FBP2: variants seen among roughly 807,000 people sequenced by gnomAD.
FBP2 encodes the protein fructose-bisphosphatase 2.
In FBP2, 27 loss-of-function variants were observed where a neutral mutation model predicts 31.6. The ratio of observed to expected loss-of-function variants is 0.85; its 90% CI spans 0.63 to 1.18. FBP2 has a LOEUF of 1.18. Ranked by LOEUF, FBP2 falls within the 50% of genes most tolerant of loss-of-function variation. FBP2 has a pLI of 0.00. For synonymous variants in FBP2, 168 were observed against 179.8 expected, an observed-to-expected ratio of 0.93 and a Z score of 0.53; for missense variants, 421 against 436.1, an observed-to-expected ratio of 0.97 and a Z score of 0.31.
intron 1 of FBP2, among the ~76,000 whole-genome samples, chr9:94,591,166 C>T (rs1037085752): frequency 5.3e-5 from 8 of 152,238 alleles, no homozygotes; most frequent in South Asian, 2.1e-4. Flanking sequence ...CTTGGGTGGT[C>T]GATGGGACTG....
intron 1 of FBP2, among the ~76,000 whole-genome samples, chr9:94,590,341 A>G (rs578055342): frequency 6.6e-6 from 1 of 152,268 alleles, no homozygotes; most frequent in East Asian, 1.9e-4. Flanking sequence ...TTCCCACCAT[A>G]AGAAGAGGAA....
At chr9:94,582,449 A>G (rs1252072159) in intron 3 of FBP2, among the ~76,000 whole-genome samples, 1 of 151,306 alleles carries the variant, frequency 6.6e-6, no homozygotes, top group African/African-American at 2.4e-5. Context: ...GCAGCAGTGC[A>G]ATCTCAACTC....
chr9:94,566,217 A>C (rs1261921201), intron 5 of FBP2, among the ~76,000 whole-genome samples: 1 of 152,226 alleles, frequency 6.6e-6, no homozygotes, highest in Non-Finnish European at 1.5e-5. Flanking sequence ...AAACCTGGCC[A>C]TAAACTGGCC....
chr9:94,567,432 G>A (rs773632380), intron 4 of FBP2, 25 bp from the exon 5 acceptor site: 10 of 1,602,374 alleles, frequency 6.2e-6, no homozygotes, highest in Non-Finnish European at 7.6e-6. Flanking sequence ...AGAGATGCCA[G>A]GAAGAAGAGA....
chr9:94,574,150 A>G (rs1827294996), intron 3 of FBP2, among the ~76,000 whole-genome samples: 1 of 152,226 alleles, frequency 6.6e-6, no homozygotes, highest in South Asian at 2.1e-4. Flanking sequence ...TTAACAATCT[A>G]CTGCATAAAT....
intron 6 of FBP2, among the ~76,000 whole-genome samples, chr9:94,559,761 G>A (rs1827066578): frequency 6.6e-6 from 1 of 152,084 alleles, no homozygotes; most frequent in South Asian, 2.1e-4. Flanking sequence ...TCACACTGAG[G>A]CCTCTTTAAT....
intron 3 of FBP2, among the ~76,000 whole-genome samples, chr9:94,582,986 AG>A (rs1383410596): frequency 6.7e-6 from 1 of 150,338 alleles, no homozygotes; most frequent in African/African-American, 2.5e-5. Flanking sequence ...CCTGAGTAGC[AG>A]GGATTATAGG....
intron 1 of FBP2, among the ~76,000 whole-genome samples, chr9:94,590,424 A>C (rs1827481497): frequency 1.4e-5 from 2 of 144,078 alleles, no homozygotes; most frequent in South Asian, 4.5e-4. Flanking sequence ...AGATCTCCCC[A>C]AAAGGAGCCA....
intron 3 of FBP2, among the ~76,000 whole-genome samples, chr9:94,574,510 G>A: frequency 6.6e-6 from 1 of 151,878 alleles, no homozygotes; most frequent in East Asian, 1.9e-4. Context: ...TCAACTTCTT[G>A]TTTATTTTAA....
chr9:94,584,595 G>A lies in FBP2; in HGVS notation c.408C>T (p.Ile136=). The A allele has an allele frequency of 6.2e-7, 1 of 1,612,134 alleles. No individual in the cohort carries two copies. Among genetic ancestry groups the A allele is most frequent in the Non-Finnish European group, 8.5e-7 (1 of 1,178,180 alleles). ...TACTCACCTTTCTATAGATGGCAAA[G>A]ATGGTTCCGATGGAGGCCAGGCAGT... is the stretch of plus-strand genomic sequence containing the variant. The part of the protein sequence containing the change: ...NIDCLASIGT[I]FAIYRKTSED... Residue 136 remains isoleucine (I), a synonymous_variant, in exon 3 of 7, where the codon ATC becomes ATT. Transcript: ENST00000375337.
intron 3 of FBP2, among the ~76,000 whole-genome samples, chr9:94,583,896 C>T (rs560727296): frequency 6.6e-6 from 1 of 152,152 alleles, no homozygotes; most frequent in East Asian, 1.9e-4. Flanking sequence ...CGTGAGCCAC[C>T]GCAGCTGGCG....
Position 94,559,050 on chromosome 9 carries a change from A to T in FBP2, c.908T>A (p.Val303Glu). Residue 303 changes from valine (V) to glutamate (E), a missense_variant, in exon 7 of 7, where the codon GTA (valine) becomes GAA (glutamate). Transcript: ENST00000375337. ...AATTGCCTCGGGCTTCACGTCCAGT[A>T]CAGGCTGGGTCCCCGTGGTCGCCAA... The part of the protein sequence containing the change: ...GGLATTGTQP[V>E]LDVKPEAIHQ... 1 of 1,614,152 alleles carries T rather than the reference A, an allele frequency of 6.2e-7. No homozygotes were observed. The highest frequency in any genetic ancestry group is 8.5e-7 in the Non-Finnish European group (1 of 1,180,020).
intron 1 of FBP2, among the ~76,000 whole-genome samples, chr9:94,589,685 G>T (rs7865772): frequency 0.03 from 4,554 of 152,148 alleles, 226 homozygotes; most frequent in African/African-American, 0.1. Flanking sequence ...TAAGCTGGGG[G>T]CAAACTCATT....
intron 1 of FBP2, among the ~76,000 whole-genome samples, chr9:94,592,611 C>T (rs1206542785): frequency 7.9e-5 from 12 of 152,128 alleles, no homozygotes; most frequent in African/African-American, 2.2e-4. Flanking sequence ...CTCGACTCAC[C>T]GCAACCTCCA....
At chr9:94,572,374 T>C (rs111750435) in intron 3 of FBP2, among the ~76,000 whole-genome samples, 19 of 152,068 alleles carry the variant, frequency 1.2e-4, no homozygotes, top group African/African-American at 4.6e-4. Context: ...ATTCATAGAT[T>C]AGTGATTCAA....
intron 3 of FBP2, among the ~76,000 whole-genome samples, chr9:94,580,194 A>G (rs1827360663): frequency 6.6e-6 from 1 of 152,186 alleles, no homozygotes; most frequent in Non-Finnish European, 1.5e-5. Flanking sequence ...TAAAAGGGTT[A>G]AAGTTTGTAC....
At chr9:94,577,216 CCTTT>C (rs1167846685) in intron 3 of FBP2, 3 of 152,422 alleles carry the variant, frequency 2.0e-5, no homozygotes, top group African/African-American at 2.4e-5. Flanking sequence ...TCCCCTCCTT[CCTTT>C]CTCTTTCCTC....
chr9:94,564,380 A>G (rs1289288022), intron 5 of FBP2, among the ~76,000 whole-genome samples: 2 of 152,246 alleles, frequency 1.3e-5, no homozygotes, highest in African/African-American at 4.8e-5. Context: ...CTGCAACACT[A>G]TTCACAATAG....
rs775781859 is a variant in FBP2, at chr9:94,571,485, C to T, written c.544G>A (p.Val182Met). Reference sequence around the variant, plus strand: ...ACCGGGTCAAGCATGAAGAGGTCCACGCCTTGCCCTGTGGAGAGAGCCACC... The same window carrying T: ...ACCGGGTCAAGCATGAAGAGGTCCATGCCTTGCCCTGTGGAGAGAGCCACC... ...TLVALSTGQG[V>M]DLFMLDPALG... Residue 182 changes from valine to methionine, a missense_variant, in exon 4 of 7, where the codon GTG (valine) becomes ATG (methionine). Val to Met is a conservative substitution (Grantham distance 21). Coordinates refer to ENST00000375337, the MANE Select transcript of FBP2 (RefSeq NM_003837.4). 2.3e-5 allele frequency: 37 copies of T among 1,613,102 alleles called. No individual in the cohort carries two copies. In the South Asian group the frequency reaches 2.6e-4, roughly 12 times the overall value.
Sources: gnomAD v4.1 joint callset for allele counts (sites outside exome capture counted in the v4.1 genomes callset) on GRCh38, gnomAD v4.1.1 for gene constraint, MANE v1.5 for transcripts, NCBI Gene and HGNC (gene_info 2026-07-23, HGNC 2026-07-21) for gene names.